Variants in GALNT13 observed in about 807,000 individuals in gnomAD.
The protein encoded by GALNT13 is polypeptide N-acetylgalactosaminyltransferase 13.
Under a neutral mutation model 64.2 loss-of-function variants are expected in GALNT13, and 28 were observed. That is an observed-to-expected ratio of 0.44 (90% CI 0.32 to 0.60). The LOEUF (loss-of-function observed/expected upper bound fraction) is 0.60, where lower values mean the gene tolerates loss of function less well. Ranked by LOEUF, GALNT13 falls within the 20% of genes least tolerant of loss-of-function variation. The pLI, the probability that GALNT13 is intolerant of heterozygous loss-of-function variation, is 0.05. For synonymous variants in GALNT13, 214 were observed against 224.6 expected, an observed-to-expected ratio of 0.95 and a Z score of 0.42; for missense variants, 577 against 669.8, an observed-to-expected ratio of 0.86 and a Z score of 1.53.
At chr2:154,086,349 G>T (rs1181066541) in intron 3 of GALNT13, among the ~76,000 whole-genome samples, 1 of 147,172 alleles carries the variant, frequency 6.8e-6, no homozygotes, top group Non-Finnish European at 1.5e-5. Flanking sequence ...GCAATTATAG[G>T]CATCACACAA....
chr2:154,261,184 G>C (rs905261445), intron 8 of GALNT13, among the ~76,000 whole-genome samples: 2 of 152,162 alleles, frequency 1.3e-5, no homozygotes. Context: ...CAGAAGGAAT[G>C]CAGCTAGGGG....
the GALNT13 span, among the ~76,000 whole-genome samples, chr2:153,312,632 A>G: frequency 6.6e-6 from 1 of 152,236 alleles, no homozygotes; most frequent in African/African-American, 2.4e-5. Context: ...CATCAAATCT[A>G]GAAATTCCAG....
the GALNT13 span, among the ~76,000 whole-genome samples, chr2:153,841,518 T>C: frequency 6.6e-6 from 1 of 152,268 alleles, no homozygotes; most frequent in Non-Finnish European, 1.5e-5. Context: ...AATATTACGA[T>C]ATGAATTAAC....
chr2:154,298,479 A>C (rs1176770054), intron 8 of GALNT13, among the ~76,000 whole-genome samples: 2 of 133,104 alleles, frequency 1.5e-5, no homozygotes, highest in Admixed American at 1.7e-4. Context: ...ATTATATATA[A>C]ATTATATATA....
At chr2:154,159,836 C>T (rs1426974219) in intron 4 of GALNT13, among the ~76,000 whole-genome samples, 1 of 152,140 alleles carries the variant, frequency 6.6e-6, no homozygotes, top group Non-Finnish European at 1.5e-5. Flanking sequence ...AGAAGACTAA[C>T]ACATTATTAC....
intron 2 of GALNT13, among the ~76,000 whole-genome samples, chr2:153,935,942 T>A (rs1379002575): frequency 6.6e-6 from 1 of 152,206 alleles, no homozygotes; most frequent in Non-Finnish European, 1.5e-5. Context: ...TTCTCTCCAG[T>A]CCTCTATTAA....
chr2:153,143,357 C>T, the GALNT13 span, among the ~76,000 whole-genome samples: 3 of 152,010 alleles, frequency 2.0e-5, no homozygotes, highest in African/African-American at 7.2e-5. Context: ...TCTATCCTTT[C>T]TTTTGCAAGA....
intron 9 of GALNT13, among the ~76,000 whole-genome samples, chr2:154,322,398 A>T (rs1163083039): frequency 1.3e-5 from 2 of 151,634 alleles, no homozygotes; most frequent in African/African-American, 4.8e-5. Flanking sequence ...TCTTCCTCTG[A>T]CTCTGGCCTT....
the GALNT13 span, among the ~76,000 whole-genome samples, chr2:153,819,308 C>T: frequency 3.9e-5 from 6 of 152,166 alleles, no homozygotes; most frequent in South Asian, 4.1e-4. Context: ...TTTCCCATGG[C>T]TGTCAATCAC....
the GALNT13 span, among the ~76,000 whole-genome samples, chr2:153,694,966 T>A: frequency 6.6e-6 from 1 of 152,146 alleles, no homozygotes; most frequent in Admixed American, 6.5e-5. Context: ...TACTTACAGA[T>A]ATGATTTATT....
chr2:153,107,787 A>G, the GALNT13 span, among the ~76,000 whole-genome samples: 5 of 152,174 alleles, frequency 3.3e-5, no homozygotes, highest in Non-Finnish European at 7.4e-5. Flanking sequence ...GGAGAGAAAT[A>G]GCTCCACATT....
At chr2:153,635,305 T>C in the GALNT13 span, among the ~76,000 whole-genome samples, 1 of 150,862 alleles carries the variant, frequency 6.6e-6, no homozygotes, top group Non-Finnish European at 1.5e-5. Flanking sequence ...TTTCTTTTGC[T>C]TCAGGTAATT....
chr2:153,550,061 GAA>G, the GALNT13 span, among the ~76,000 whole-genome samples: 1 of 152,294 alleles, frequency 6.6e-6, no homozygotes, highest in East Asian at 1.9e-4. Flanking sequence ...GATATTGACT[GAA>G]AGACATGGAG....
At chr2:153,964,505 C>A (rs1693191267) in intron 3 of GALNT13, among the ~76,000 whole-genome samples, 1 of 152,070 alleles carries the variant, frequency 6.6e-6, no homozygotes, top group African/African-American at 2.4e-5. Flanking sequence ...TTGTACATTT[C>A]TCTGTTACTA....
chr2:153,201,775 CTTG>C, the GALNT13 span: 7 of 152,164 alleles, frequency 4.6e-5, no homozygotes, highest in African/African-American at 1.2e-4. Flanking sequence ...TATTCACTAT[CTTG>C]TTGTTGTCCT....
chr2:153,785,398 T>C, the GALNT13 span, among the ~76,000 whole-genome samples: 2 of 152,204 alleles, frequency 1.3e-5, no homozygotes, highest in African/African-American at 4.8e-5. Flanking sequence ...ATTTTTGCTG[T>C]TTCGTAGCCA....
intron 3 of GALNT13, among the ~76,000 whole-genome samples, chr2:154,109,763 C>T (rs1702829845): frequency 6.6e-6 from 1 of 151,958 alleles, no homozygotes; most frequent in African/African-American, 2.4e-5. Flanking sequence ...ATTCTGTTAA[C>T]ATATTTATTG....
chr2:153,171,334 TAGTG>T, the GALNT13 span, among the ~76,000 whole-genome samples: 24 of 152,336 alleles, frequency 1.6e-4, no homozygotes, highest in East Asian at 4.6e-3. Flanking sequence ...CATCATTAGA[TAGTG>T]AGCATTAGTT....
chr2:153,260,624 A>AT, the GALNT13 span, among the ~76,000 whole-genome samples: 2 of 151,974 alleles, frequency 1.3e-5, no homozygotes, highest in African/African-American at 4.8e-5. Context: ...TTTTAGTATC[A>AT]TTTTTTATCC....
Sources: allele counts gnomAD v4.1 joint callset (sites outside exome capture counted in the v4.1 genomes callset), GRCh38; gene constraint gnomAD v4.1.1; transcripts MANE v1.5; gene names NCBI Gene and HGNC (gene_info 2026-07-23, HGNC 2026-07-21).